The following PRPF31 variants were observed in gnomAD, a reference collection of about 807,000 sequenced individuals.
PRPF31 encodes the protein pre-mRNA processing factor 31, also known as U4/U6 small nuclear ribonucleoprotein Prp31.
A neutral mutation model predicts 60.4 loss-of-function variants in PRPF31; 12 were observed. The observed-to-expected ratio is 0.20, with a 90% confidence interval of 0.13 to 0.32. PRPF31 has a LOEUF of 0.32. PRPF31 is among the 10% of genes least tolerant of loss of function. The pLI, the probability that PRPF31 is intolerant of heterozygous loss-of-function variation, is 1.00. For synonymous variants in PRPF31, 287 were observed against 287.9 expected (o/e 1.00, Z 0.03); for missense variants, 431 against 687.1 (o/e 0.63, Z 4.17).
At position 54,123,751 on chromosome 19, in the gene PRPF31, A is replaced by C; in HGVS notation, c.530A>C (p.Gln177Pro). Residue 177 changes from glutamine to proline, a missense_variant and splice_region_variant, in exon 7 of 14, where the codon CAG (glutamine) becomes CCG (proline). Transcript: ENST00000321030. Reference protein sequence around the residue: ...VSVTASTTQGQQLSEEELERL... With the variant: ...VSVTASTTQGPQLSEEELERL... ...GCTGGGCCCACCCGCCCCTGCAGGC[A>C]GCAGCTGTCGGAGGAGGAGCTGGAG... 6.2e-7 allele frequency: 1 copy of C among 1,609,312 alleles called. No individual in the cohort carries two copies. Among genetic ancestry groups the C allele is most frequent in the Non-Finnish European group, 8.5e-7 (1 of 1,178,906 alleles).
chr19:54,121,303 C>CAAA (rs587751948), intron 3 of PRPF31, among the ~76,000 whole-genome samples: 1 of 122,486 alleles, frequency 8.2e-6, no homozygotes, highest in African/African-American at 3.1e-5. Flanking sequence ...AATTATGTCT[C>CAAA]AAAAAAAAAA....
intron 5 of PRPF31, chr19:54,123,125 G>C (rs2073833840): frequency 1.9e-6 from 1 of 524,448 alleles, no homozygotes; most frequent in African/African-American, 1.9e-5. Context: ...TGGCGGTGGG[G>C]AAGCCCCTGC....
At position 54,128,388 on chromosome 19, in the gene PRPF31, C is replaced by T; in HGVS notation, c.1146+11C>T. ...ATGAGCTTCGGAGAGGTCAGACTCC[C>T]AGAGCGCCCTCCTCAACCCCACAGC... On this transcript the variant is annotated intron_variant, in intron 11 of 13. Transcript: ENST00000321030. 2 of 1,547,562 alleles carry T rather than the reference C, an allele frequency of 1.3e-6. No homozygotes were observed. The highest frequency in any genetic ancestry group is 1.7e-6 in the Non-Finnish European group (2 of 1,146,182).
Position 54,123,437 on chromosome 19 carries a change from T to C in PRPF31, c.421-17T>C. ...CTGAGTTCCCGAGCCTCCCCTATCT[T>C]CTCTGCTCGCCCCCAGGAGCTGGGC... On this transcript the variant is annotated splice_polypyrimidine_tract_variant and intron_variant, in intron 5 of 13. Transcript: ENST00000321030. The C allele has an allele frequency of 1.2e-6, 2 of 1,606,480 alleles. No individual in the cohort carries two copies. The highest frequency in any genetic ancestry group is 1.3e-5 in the African/African-American group (1 of 74,840).
chr19:54,119,459 A>G (rs1353782004), intron 3 of PRPF31: 1 of 150,402 alleles, frequency 6.6e-6, no homozygotes, highest in Non-Finnish European at 1.5e-5. Flanking sequence ...GAGTGCTCAG[A>G]CTCACTCTTA....
chr19:54,121,019 C>T (rs770304969), intron 3 of PRPF31, among the ~76,000 whole-genome samples: 5 of 152,078 alleles, frequency 3.3e-5, no homozygotes, highest in African/African-American at 4.8e-5. Context: ...GGGTCTGGCG[C>T]GGTGGCTCAC....
Position 54,126,644 on chromosome 19 carries a change from C to T in PRPF31, c.945+27C>T, listed in dbSNP as rs767335904. 108 of 1,602,492 alleles carry T rather than the reference C, an allele frequency of 6.7e-5. 2 individuals are homozygous for T. The Middle Eastern group carries it at 1.3e-3, about 20-fold the overall frequency. ...TGAGGAGGGAAAGGTGAGGGGCGGC[C>T]GGGCGTCTTTTCCTCTGGGCCTGGG... On this transcript the variant is annotated intron_variant, in intron 9 of 13. Transcript: ENST00000321030.
At chr19:54,119,021 T>C (rs1237998329) in intron 3 of PRPF31, among the ~76,000 whole-genome samples, 1 of 152,104 alleles carries the variant, frequency 6.6e-6, no homozygotes, top group Non-Finnish European at 1.5e-5. Context: ...ATTGCTACCA[T>C]GAATGGAAAA....
chr19:54,118,713 G>A, intron 3 of PRPF31, 80 bp downstream of exon 3: 1 of 1,430,386 alleles, frequency 7.0e-7, no homozygotes, highest in Non-Finnish European at 9.9e-7. Flanking sequence ...GCTTGTGGCT[G>A]GGTATATCTC....
At chr19:54,129,216 C>T in intron 12 of PRPF31, 31 bp downstream of exon 12, 1 of 1,596,938 alleles carries the variant, frequency 6.3e-7, no homozygotes, top group South Asian at 1.1e-5. Flanking sequence ...GGGCTGGGGA[C>T]CGAGGGACAC....
At chr19:54,116,707 T>C (rs1015984941) in intron 1 of PRPF31, among the ~76,000 whole-genome samples, 1 of 152,240 alleles carries the variant, frequency 6.6e-6, no homozygotes, top group Non-Finnish European at 1.5e-5. Context: ...CGGGACACGT[T>C]ATCACAAAGC....
At chr19:54,127,496 C>T (rs1201615754) in intron 9 of PRPF31, among the ~76,000 whole-genome samples, 1 of 151,764 alleles carries the variant, frequency 6.6e-6, no homozygotes, top group African/African-American at 2.4e-5. Context: ...CCTTCTTAAC[C>T]TCTTCACGTC....
rs751499267 is a variant in PRPF31 at position 54,129,355 on chromosome 19, C to T, written c.1359C>T (p.Ala453=). The change falls in exon 13 of 14, where the codon GCC becomes GCT. Residue 453 remains alanine, a synonymous_variant. Coordinates refer to ENST00000321030, the MANE Select transcript of PRPF31 (RefSeq NM_015629.4). The stretch of plus-strand genomic sequence containing the variant: ...CCTCGGGCACGGCCTCCAGCGTGGC[C>T]TTCACCCCACTCCAGGTACCTCCCC... The part of the protein sequence containing the change: ...DRSSGTASSV[A]FTPLQGLEIV... 6.3e-7 allele frequency: 1 copy of T among 1,599,002 alleles called. No individual in the cohort carries two copies. Among genetic ancestry groups the T allele is most frequent in the Non-Finnish European group, 8.5e-7 (1 of 1,173,818 alleles).
chr19:54,126,873 G>A (rs1020628878), intron 9 of PRPF31, among the ~76,000 whole-genome samples: 18 of 152,218 alleles, frequency 1.2e-4, no homozygotes, highest in African/African-American at 4.3e-4. Context: ...GCTCACGCCT[G>A]TAATCCCAGC....
intron 8 of PRPF31, 38 bp downstream of exon 8, chr19:54,124,694 C>T: frequency 1.2e-6 from 2 of 1,602,584 alleles, no homozygotes; most frequent in Non-Finnish European, 1.7e-6. Flanking sequence ...CCCGGCCCCC[C>T]TGGAGCCTTC....
chr19:54,123,025 G>A (rs1233336044), intron 5 of PRPF31: 1 of 440,954 alleles, frequency 2.3e-6, no homozygotes, highest in Non-Finnish European at 4.2e-6. Context: ...TTAGGAGAAA[G>A]CCAAGGAAGG....
In PRPF31 at chr19:54,127,491, T is replaced by G. The variant is rs77417537; in HGVS notation, c.946-582T>G. 4.3e-4 allele frequency among the ~76,000 whole-genome samples: 65 copies of G among 152,166 alleles called. No homozygotes were observed. The East Asian group carries it at 0.012, about 28-fold the overall frequency. ...CAGCTCACAATCCTTAAAATCCTTCTTAACCTCTTCACGTCCCTTTTGCCC... is the reference window on the plus strand; with the variant it reads ...CAGCTCACAATCCTTAAAATCCTTCGTAACCTCTTCACGTCCCTTTTGCCC... On this transcript the variant is annotated intron_variant, in intron 9 of 13. Transcript: ENST00000321030.
intron 4 of PRPF31, chr19:54,122,255 G>A: frequency 1.6e-6 from 1 of 625,722 alleles, no homozygotes; most frequent in Non-Finnish European, 2.9e-6. Flanking sequence ...ATTCCCACCA[G>A]CAAGGCGCTT....
chr19:54,128,491 C>A, intron 11 of PRPF31, 114 bp downstream of exon 11: 2 of 1,068,474 alleles, frequency 1.9e-6, no homozygotes, highest in Non-Finnish European at 2.8e-6. Context: ...GTCTAGGGCG[C>A]TGCCCCAGCC....
Sources: allele counts gnomAD v4.1 joint callset (sites outside exome capture counted in the v4.1 genomes callset), GRCh38; gene constraint gnomAD v4.1.1; transcripts MANE v1.5; gene names NCBI Gene and HGNC (gene_info 2026-07-23, HGNC 2026-07-21).